ZNF254: variants seen among roughly 807,000 people sequenced by gnomAD.
The protein encoded by ZNF254 is zinc finger protein 254, also known as CTD-2017D11.1.
In ZNF254, 10 loss-of-function variants were observed where a neutral mutation model predicts 12.4. That is an observed-to-expected ratio of 0.80 (90% CI 0.50 to 1.36). ZNF254 has a LOEUF of 1.36. Among genes scored for constraint, ZNF254 ranks in the 40% most tolerant of loss-of-function variants. ZNF254 has a pLI of 0.00. For synonymous variants in ZNF254, 305 were observed against 253.4 expected (o/e 1.20, Z -1.93); for missense variants, 996 against 763.9 (o/e 1.30, Z -3.58).
intron 3 of ZNF254, among the ~76,000 whole-genome samples, chr19:24,113,482 T>C (rs1208332480): frequency 2.0e-5 from 3 of 152,104 alleles, no homozygotes; most frequent in East Asian, 3.9e-4. Context: ...CAAAATTCAA[T>C]GACACTTCAT....
chr19:24,080,944 G>A (rs1236611102), intron 2 of ZNF254, among the ~76,000 whole-genome samples: 2 of 151,404 alleles, frequency 1.3e-5, no homozygotes, highest in African/African-American at 4.9e-5. Context: ...GGGCGTGGTG[G>A]CACATGCTTG....
intron 1 of ZNF254, among the ~76,000 whole-genome samples, chr19:24,092,899 A>G (rs1438065178): frequency 1.3e-5 from 2 of 152,216 alleles, no homozygotes; most frequent in East Asian, 1.9e-4. Flanking sequence ...GCTTTTTACA[A>G]TGGTTGAATT....
chr19:24,086,223 TAAAA>T (rs563948159), upstream of ZNF254, among the ~76,000 whole-genome samples: 1 of 151,566 alleles, frequency 6.6e-6, no homozygotes, highest in African/African-American at 2.4e-5. Context: ...AAATAAAAAA[TAAAA>T]AAAAGTATAA....
intron 1 of ZNF254, among the ~76,000 whole-genome samples, chr19:24,094,529 G>A (rs530353410): frequency 2.0e-4 from 31 of 152,192 alleles, no homozygotes; most frequent in Middle Eastern, 3.4e-3. Context: ...AAAGTGCTGG[G>A]ATTACAGGCG....
chr19:24,124,665 A>T (rs1398082918), intron 3 of ZNF254, among the ~76,000 whole-genome samples: 2 of 151,752 alleles, frequency 1.3e-5, no homozygotes, highest in Admixed American at 6.6e-5. Context: ...AATTTTTGTC[A>T]TGACTACATC....
chr19:24,047,541 T>A (rs7254349), intron 2 of ZNF254, among the ~76,000 whole-genome samples: 24,038 of 150,650 alleles, frequency 0.16, 1,962 homozygotes, highest in African/African-American at 0.18. Flanking sequence ...AGTGTTGGGA[T>A]TATAGGTTTG....
At chr19:24,050,839 C>T (rs1970619100) in intron 2 of ZNF254, among the ~76,000 whole-genome samples, 2 of 151,982 alleles carry the variant, frequency 1.3e-5, no homozygotes, top group African/African-American at 4.8e-5. Flanking sequence ...GCTGGGATTA[C>T]AGGCATGCGC....
intron 3 of ZNF254, among the ~76,000 whole-genome samples, chr19:24,117,291 C>T (rs1244834066): frequency 6.6e-6 from 1 of 152,126 alleles, no homozygotes. Context: ...TGCCCTGCCC[C>T]CAGAGGTGGA....
chr19:24,073,507 G>T (rs1408413607), intron 2 of ZNF254, among the ~76,000 whole-genome samples: 8 of 152,168 alleles, frequency 5.3e-5, no homozygotes, highest in Admixed American at 2.0e-4. Context: ...TTATAATGAG[G>T]CCCAGAACAC....
intron 3 of ZNF254, chr19:24,107,267 T>C: frequency 1.6e-6 from 1 of 639,726 alleles, no homozygotes; most frequent in Non-Finnish European, 2.8e-6. Flanking sequence ...TGATAAGGAG[T>C]TCTTTAAATC....
At chr19:24,042,826 A>G (rs149297129) in intron 1 of ZNF254, among the ~76,000 whole-genome samples, 3 of 152,292 alleles carry the variant, frequency 2.0e-5, no homozygotes, top group Non-Finnish European at 2.9e-5. Context: ...TCTGGATCCA[A>G]TTTGTCTAAT....
intron 1 of ZNF254, among the ~76,000 whole-genome samples, chr19:24,088,735 C>A (rs576594552): frequency 1.3e-5 from 2 of 151,982 alleles, no homozygotes; most frequent in Non-Finnish European, 2.9e-5. Context: ...AGGCTCACTG[C>A]AACCTCTGCC....
chr19:24,078,399 A>G (rs1356300734), intron 2 of ZNF254: 1 of 152,228 alleles, frequency 6.6e-6, no homozygotes, highest in East Asian at 1.9e-4. Flanking sequence ...AAAAGAATAT[A>G]TGCAGCCAAT....
intron 3 of ZNF254, among the ~76,000 whole-genome samples, chr19:24,120,441 A>T (rs1298780204): frequency 1.3e-5 from 2 of 152,040 alleles, no homozygotes; most frequent in East Asian, 1.9e-4. Flanking sequence ...TTAATATAAA[A>T]ATTATTTTGT....
chr19:24,123,444 T>G (rs1216651162), intron 3 of ZNF254, among the ~76,000 whole-genome samples: 2 of 152,352 alleles, frequency 1.3e-5, no homozygotes, highest in Non-Finnish European at 2.9e-5. Flanking sequence ...CTTTAAGTAG[T>G]CTGTTCCCTT....
chr19:24,097,637 A>C (rs1972750544), intron 1 of ZNF254, among the ~76,000 whole-genome samples: 1 of 151,678 alleles, frequency 6.6e-6, no homozygotes, highest in South Asian at 2.1e-4. Flanking sequence ...CAAAATTAGA[A>C]GGGTGTGGTG....
chr19:24,062,098 A>AAAAG (rs1555754553), intron 2 of ZNF254, among the ~76,000 whole-genome samples: 2 of 132,572 alleles, frequency 1.5e-5, no homozygotes, highest in Non-Finnish European at 3.1e-5. Flanking sequence ...AAAAAAAAAA[A>AAAAG]AAAAGAAAAA....
chr19:24,053,038 C>A (rs1599600572), intron 2 of ZNF254, among the ~76,000 whole-genome samples: 1 of 152,272 alleles, frequency 6.6e-6, no homozygotes, highest in South Asian at 2.1e-4. Flanking sequence ...ATATGCATAG[C>A]CTGCCAACAG....
chr19:24,112,465 A>G (rs910921119), intron 3 of ZNF254, among the ~76,000 whole-genome samples: 4 of 148,938 alleles, frequency 2.7e-5, no homozygotes, highest in African/African-American at 9.9e-5. Flanking sequence ...ACTTTAAAGT[A>G]GTTTTTTCCA....
Sources: allele counts gnomAD v4.1 joint callset (sites outside exome capture counted in the v4.1 genomes callset), GRCh38; gene constraint gnomAD v4.1.1; transcripts MANE v1.5; gene names NCBI Gene and HGNC (gene_info 2026-07-23, HGNC 2026-07-21).